The following SMAP1 variants were observed in gnomAD, a reference collection of about 807,000 sequenced individuals.
SMAP1 encodes small ArfGAP 1.
A neutral mutation model predicts 58.5 loss-of-function variants in SMAP1; 24 were observed. The ratio of observed to expected loss-of-function variants is 0.41; its 90% CI spans 0.30 to 0.58. The LOEUF is 0.58. Among genes scored for constraint, SMAP1 ranks in the 20% least tolerant of loss-of-function variants. The pLI is 0.29. For missense variants in SMAP1, 563 were observed against 566.3 expected, an observed-to-expected ratio of 0.99 and a Z score of 0.06; for synonymous variants, 216 against 196.6, an observed-to-expected ratio of 1.10 and a Z score of -0.82.
At chr6:70,853,431 A>G (rs1277153828) in intron 8 of SMAP1, among the ~76,000 whole-genome samples, 1 of 152,224 alleles carries the variant, frequency 6.6e-6, no homozygotes, top group African/African-American at 2.4e-5. Flanking sequence ...TTTGTGCAGC[A>G]TAATTTTTGA....
chr6:70,777,705 T>C (rs1488130055), intron 4 of SMAP1, among the ~76,000 whole-genome samples: 3 of 152,048 alleles, frequency 2.0e-5, no homozygotes, highest in Non-Finnish European at 4.4e-5. Flanking sequence ...TCCTATGTTT[T>C]CTTCTACAAA....
At chr6:70,686,329 C>G (rs1766933376) in intron 1 of SMAP1, among the ~76,000 whole-genome samples, 1 of 152,120 alleles carries the variant, frequency 6.6e-6, no homozygotes, top group Non-Finnish European at 1.5e-5. Context: ...ACTTTTGAAA[C>G]AAATACATAT....
chr6:70,673,224 C>T (rs1284921802), intron 1 of SMAP1, among the ~76,000 whole-genome samples: 1 of 152,228 alleles, frequency 6.6e-6, no homozygotes, highest in Non-Finnish European at 1.5e-5. Context: ...CATACCACCA[C>T]TGCTACCGCT....
intron 6 of SMAP1, among the ~76,000 whole-genome samples, chr6:70,829,321 C>T (rs1232799332): frequency 4.0e-5 from 6 of 150,744 alleles, no homozygotes; most frequent in Admixed American, 3.3e-4. Flanking sequence ...CTATGTTGTC[C>T]AGCCTGTTCT....
chr6:70,714,512 T>C (rs919482861), intron 1 of SMAP1, among the ~76,000 whole-genome samples: 2 of 152,182 alleles, frequency 1.3e-5, no homozygotes, highest in Admixed American at 6.5e-5. Flanking sequence ...TTATATGTTA[T>C]TGAGTTACAA....
chr6:70,682,336 C>T (rs1015765446), intron 1 of SMAP1, among the ~76,000 whole-genome samples: 1 of 151,326 alleles, frequency 6.6e-6, no homozygotes, highest in African/African-American at 2.4e-5. Context: ...TTACAGGCGC[C>T]CACCACCACG....
chr6:70,695,194 GT>G (rs1296939101), intron 1 of SMAP1, among the ~76,000 whole-genome samples: 1 of 152,128 alleles, frequency 6.6e-6, no homozygotes, highest in African/African-American at 2.4e-5. Flanking sequence ...AGGGTCTTTA[GT>G]TTTTTCTAAA....
chr6:70,765,475 A>G (rs1311575148), intron 3 of SMAP1, among the ~76,000 whole-genome samples: 2 of 152,264 alleles, frequency 1.3e-5, no homozygotes, highest in South Asian at 2.1e-4. Flanking sequence ...AGTAAAAACA[A>G]GTGAGATAAT....
chr6:70,678,723 A>T (rs1476119822), intron 1 of SMAP1, among the ~76,000 whole-genome samples: 1 of 152,172 alleles, frequency 6.6e-6, no homozygotes, highest in Non-Finnish European at 1.5e-5. Context: ...TTTCTTTTCC[A>T]GCTTGGAGAG....
chr6:70,787,394 G>A lies in SMAP1; in HGVS notation c.415-4295G>A, dbSNP rs1471265350. The stretch of plus-strand genomic sequence containing the variant: ...CATTCAGGACATAGGCATGGGCAAG[G>A]ACTTCATGTCTAAAACACCAAGAGC... On this transcript the variant is annotated intron_variant, in intron 4 of 10. Coordinates refer to ENST00000370455, the MANE Select transcript of SMAP1 (RefSeq NM_001044305.3). Among the ~76,000 whole-genome samples, 8 of 152,098 alleles carry A rather than the reference G, an allele frequency of 5.3e-5. 1 individual carries two copies. The East Asian group carries it at 1.5e-3, about 29-fold the overall frequency.
chr6:70,750,295 A>T (rs1403813804), intron 2 of SMAP1, among the ~76,000 whole-genome samples: 1 of 152,136 alleles, frequency 6.6e-6, no homozygotes, highest in Non-Finnish European at 1.5e-5. Flanking sequence ...TTGCTTGCTT[A>T]CTCATTGATT....
At chr6:70,841,154 AAG>A (rs1195710841) in intron 7 of SMAP1, among the ~76,000 whole-genome samples, 6 of 152,196 alleles carry the variant, frequency 3.9e-5, no homozygotes, top group Admixed American at 2.0e-4. Context: ...TCTGAGAATA[AAG>A]TCTTCAAGGG....
At chr6:70,713,032 A>T (rs182945111) in intron 1 of SMAP1, among the ~76,000 whole-genome samples, 20 of 151,958 alleles carry the variant, frequency 1.3e-4, no homozygotes, top group African/African-American at 4.6e-4. Context: ...ACCTCAAATG[A>T]TCCACCCACC....
intron 1 of SMAP1, among the ~76,000 whole-genome samples, chr6:70,726,909 G>C (rs538380344): frequency 1.6e-4 from 23 of 142,714 alleles, no homozygotes; most frequent in African/African-American, 5.0e-4. Flanking sequence ...GTGTGTGTGT[G>C]TGTGTAGAAA....
At position 70,860,233 on chromosome 6, in the gene SMAP1, A is replaced by G. The variant is rs768243326; in HGVS notation, c.1303A>G (p.Ser435Gly). 5.1e-5 allele frequency: 82 copies of G among 1,613,222 alleles called. No homozygotes were observed. The South Asian group carries it at 5.9e-4, about 12-fold the overall frequency. ...NQQMAGMSIS[S>G]ATPTAGFGQP... ...GCAGATGGCTGGCATGAGTATCAGTAGTGCAACCCCTACTGCAGGTTTTGG... is the reference window on the plus strand; with the variant it reads ...GCAGATGGCTGGCATGAGTATCAGTGGTGCAACCCCTACTGCAGGTTTTGG... Residue 435 changes from serine to glycine, a missense_variant, in exon 11 of 11, where the codon AGT becomes GGT. By Grantham distance (56) the Ser-to-Gly change is moderately conservative. Transcript: ENST00000370455.
intron 6 of SMAP1, among the ~76,000 whole-genome samples, chr6:70,836,649 T>C (rs1206547561): frequency 6.6e-6 from 1 of 152,254 alleles, no homozygotes; most frequent in East Asian, 1.9e-4. Context: ...GAAATGCATT[T>C]CTTTAAAATG....
At chr6:70,741,992 C>T (rs925868453) in intron 2 of SMAP1, among the ~76,000 whole-genome samples, 7 of 152,190 alleles carry the variant, frequency 4.6e-5, no homozygotes, top group African/African-American at 1.7e-4. Flanking sequence ...GTACCAAGTC[C>T]CTAGGCTGCA....
chr6:70,667,958 C>G lies in SMAP1; in HGVS notation c.-66C>G. 3 of 1,424,892 alleles carry G rather than the reference C, an allele frequency of 2.1e-6. No individual in the cohort carries two copies. The East Asian group carries it at 8.4e-5, about 40-fold the overall frequency. The allele number at this position is 1,424,892 out of a possible 1,614,324, so 88.3% of individuals were successfully genotyped here. ...CCCGGCGGCGCCAGGTGCGTTCACT[C>G]TGCCCGGCTCCAGCCAGCGTCCGCC... On this transcript the variant is annotated 5_prime_UTR_variant, in exon 1 of 11. Transcript: ENST00000370455.
intron 8 of SMAP1, 136 bp downstream of exon 8, chr6:70,852,800 G>A (rs1771239302): frequency 9.7e-7 from 1 of 1,034,768 alleles, no homozygotes; most frequent in South Asian, 2.7e-5. Flanking sequence ...CTAGAGTTTA[G>A]CAAACTAAGC....
Sources: allele counts gnomAD v4.1 joint callset (sites outside exome capture counted in the v4.1 genomes callset), GRCh38; gene constraint gnomAD v4.1.1; transcripts MANE v1.5; gene names NCBI Gene and HGNC (gene_info 2026-07-23, HGNC 2026-07-21).